The following BICDL1 variants were observed in gnomAD, a reference collection of about 807,000 sequenced individuals.
BICDL1 encodes BICD family-like cargo adapter 1.
In BICDL1, 20 loss-of-function variants were observed where a neutral mutation model predicts 76.8. That is an observed-to-expected ratio of 0.26 (90% CI 0.18 to 0.38). BICDL1 has a LOEUF of 0.38. BICDL1 is among the 10% of genes least tolerant of loss of function. BICDL1 has a pLI of 1.00. For missense variants in BICDL1, 700 were observed against 798.6 expected (o/e 0.88, Z 1.49); for synonymous variants, 383 against 337.1 (o/e 1.14, Z -1.49).
intron 2 of BICDL1, among the ~76,000 whole-genome samples, chr12:120,035,441 C>A (rs951953778): frequency 7.9e-5 from 12 of 152,176 alleles, no homozygotes; most frequent in African/African-American, 2.9e-4. Context: ...CTATGTGATA[C>A]GTAGCCTTAT....
At chr12:120,081,355 T>G (rs1416331214) in intron 8 of BICDL1, among the ~76,000 whole-genome samples, 1 of 149,022 alleles carries the variant, frequency 6.7e-6, no homozygotes, top group Admixed American at 6.7e-5. Context: ...TTTCCTTTTT[T>G]TTTTTTTTTT....
intron 2 of BICDL1, among the ~76,000 whole-genome samples, chr12:120,047,086 C>T (rs1302696664): frequency 6.6e-6 from 1 of 152,102 alleles, no homozygotes; most frequent in East Asian, 1.9e-4. Flanking sequence ...TTTTATTGTG[C>T]TCTAATTTAG....
chr12:120,038,089 G>T (rs1198754305), intron 2 of BICDL1, among the ~76,000 whole-genome samples: 1 of 152,172 alleles, frequency 6.6e-6, no homozygotes, highest in Non-Finnish European at 1.5e-5. Flanking sequence ...TTCATGCATT[G>T]CTCATGTCCA....
chr12:120,022,116 C>T (rs1050590189), intron 2 of BICDL1, among the ~76,000 whole-genome samples: 41 of 151,114 alleles, frequency 2.7e-4, no homozygotes, highest in African/African-American at 9.4e-4. Flanking sequence ...TGGCTCTTTA[C>T]AGAAAGTTTG....
chr12:120,034,684 T>C (rs1209569974), intron 2 of BICDL1, among the ~76,000 whole-genome samples: 2 of 152,210 alleles, frequency 1.3e-5, no homozygotes, highest in African/African-American at 2.4e-5. Flanking sequence ...TTCAAGGTGT[T>C]GGCCAGGCCA....
chr12:120,017,565 CA>C (rs1380169306), intron 2 of BICDL1, among the ~76,000 whole-genome samples: 6 of 151,928 alleles, frequency 3.9e-5, no homozygotes, highest in Non-Finnish European at 7.4e-5. Context: ...CCCGTCTCTG[CA>C]AAAATTTTTT....
chr12:119,999,062 G>GGAAA (rs10659159), intron 2 of BICDL1, among the ~76,000 whole-genome samples: 5 of 95,258 alleles, frequency 5.2e-5, no homozygotes, highest in South Asian at 8.1e-4. Flanking sequence ...GCCTGTCTCG[G>GGAAA]AAAAAAAAAA....
chr12:120,077,573 T>C (rs1342706072), intron 7 of BICDL1, among the ~76,000 whole-genome samples: 1 of 152,224 alleles, frequency 6.6e-6, no homozygotes, highest in Non-Finnish European at 1.5e-5. Flanking sequence ...TCCTTCATGC[T>C]TGACTCGAGT....
intron 8 of BICDL1, among the ~76,000 whole-genome samples, chr12:120,089,475 T>C (rs1874771677): frequency 6.6e-6 from 1 of 152,122 alleles, no homozygotes. Flanking sequence ...AACCTCCTTC[T>C]CCTGGGTTCA....
At chr12:120,008,001 T>C (rs1046342893) in intron 2 of BICDL1, among the ~76,000 whole-genome samples, 6 of 152,208 alleles carry the variant, frequency 3.9e-5, no homozygotes, top group Non-Finnish European at 8.8e-5. Context: ...GCTGGCAATT[T>C]TTAGTCATCC....
intron 3 of BICDL1, 30 bp from the exon 4 acceptor site, chr12:120,064,703 C>A: frequency 6.3e-7 from 1 of 1,581,996 alleles, no homozygotes. Context: ...TGTAACTCCA[C>A]ACCACCCCTG....
chr12:120,008,223 A>T (rs1449347298), intron 2 of BICDL1, among the ~76,000 whole-genome samples: 1 of 131,732 alleles, frequency 7.6e-6, no homozygotes, highest in Non-Finnish European at 1.5e-5. Context: ...CAGCAGCGCC[A>T]TCATGGCTCA....
chr12:119,994,935 CAT>C (rs201916041), intron 1 of BICDL1, among the ~76,000 whole-genome samples: 45 of 152,320 alleles, frequency 3.0e-4, no homozygotes, highest in Admixed American at 2.4e-3. Flanking sequence ...AACCAGTACT[CAT>C]GTGATTACTA....
At chr12:120,000,037 GT>G (rs1951729173) in intron 2 of BICDL1, 1 of 173,448 alleles carries the variant, frequency 5.8e-6, no homozygotes, top group Admixed American at 6.2e-5. Context: ...TTGTGTTGTA[GT>G]TGCTTCCTGT....
chr12:120,014,791 C>G (rs117785590), intron 2 of BICDL1, among the ~76,000 whole-genome samples: 5 of 150,694 alleles, frequency 3.3e-5, no homozygotes, highest in Non-Finnish European at 7.4e-5. Flanking sequence ...CCCAGAAGTT[C>G]GAGACCACCC....
In BICDL1 at chr12:119,989,548, G is replaced by A. The variant is rs1276205385; in HGVS notation, c.-321G>A. Among the ~76,000 whole-genome samples, 1 of 150,384 alleles carries A rather than the reference G, an allele frequency of 6.6e-6. No individual in the cohort carries two copies. The highest frequency in any genetic ancestry group is 1.5e-5 in the Non-Finnish European group (1 of 67,410). ...TCCTCGCTTCCTCCCCTCCCGCTTC[G>A]CCGACCCTCAGTCTCTGTTCCTGAG... On this transcript the variant is annotated 5_prime_UTR_variant, in exon 1 of 10. Coordinates refer to ENST00000548673, the MANE Select transcript of BICDL1 (RefSeq NM_001367886.1).
At chr12:120,068,103 G>GGCA (rs1238612841) in intron 4 of BICDL1, among the ~76,000 whole-genome samples, 1 of 152,184 alleles carries the variant, frequency 6.6e-6, no homozygotes, top group Non-Finnish European at 1.5e-5. Flanking sequence ...GGCTCTGCAA[G>GGCA]GCAGCTTTCT....
Position 120,032,041 on chromosome 12 carries a change from A to G in BICDL1, c.646-29669A>G, listed in dbSNP as rs367573969. Among the ~76,000 whole-genome samples the G allele has an allele frequency of 3.3e-5, 5 of 152,180 alleles. 1 individual carries two copies. The highest frequency in any genetic ancestry group is 3.3e-4 in the Admixed American group (5 of 15,272). ...CAGGAGTTTGAGGCTGCAGTGAGCTATGATCACACTACTGCACTCCAGCCT... is the reference window on the plus strand; with the variant it reads ...CAGGAGTTTGAGGCTGCAGTGAGCTGTGATCACACTACTGCACTCCAGCCT... On this transcript the variant is annotated intron_variant, in intron 2 of 9. Transcript: ENST00000548673.
rs1594177310 is a variant in BICDL1, at chr12:120,056,885, G to A, written c.646-4825G>A. ...CAGTGAGTGAGCAGTCTGTGGCCTG[G>A]TCAGCAATGCCTCCTCCCAGCCGAC... is the stretch of plus-strand genomic sequence containing the variant. On this transcript the variant is annotated intron_variant, in intron 2 of 9. Transcript: ENST00000548673. 4 of 324,642 alleles carry A rather than the reference G, an allele frequency of 1.2e-5. No homozygotes were observed. In the Admixed American group the frequency reaches 1.7e-4, roughly 14 times the overall value. 20.1% of individuals were successfully genotyped at this position (324,642 alleles called of 1,614,324 possible).
Sources: gnomAD v4.1 joint callset for allele counts (sites outside exome capture counted in the v4.1 genomes callset) on GRCh38, gnomAD v4.1.1 for gene constraint, MANE v1.5 for transcripts, NCBI Gene and HGNC (gene_info 2026-07-23, HGNC 2026-07-21) for gene names.